Variants in CLPSL1 observed in about 807,000 individuals in gnomAD.
CLPSL1 encodes colipase like 1.
CLPSL1 carries 13 observed loss-of-function variants against 9.3 expected under a neutral mutation model. That is an observed-to-expected ratio of 1.40 (90% CI 0.91 to 2.22). The LOEUF (loss-of-function observed/expected upper bound fraction) is 2.22. Among genes scored for constraint, CLPSL1 ranks in the 30% most tolerant of loss-of-function variants. The pLI is 0.00. For missense variants in CLPSL1, 164 were observed against 146.6 expected (o/e 1.12, Z -0.61); for synonymous variants, 58 against 56.9 (o/e 1.02, Z -0.08).
intron 1 of CLPSL1, among the ~76,000 whole-genome samples, chr6:35,782,649 T>C (rs1767987526): frequency 6.6e-6 from 1 of 152,190 alleles, no homozygotes; most frequent in Non-Finnish European, 1.5e-5. Flanking sequence ...GCAAATGCCC[T>C]GGGGCCAGGC....
intron 1 of CLPSL1, among the ~76,000 whole-genome samples, chr6:35,783,277 G>A (rs765029388): frequency 1.3e-5 from 2 of 152,198 alleles, no homozygotes; most frequent in Non-Finnish European, 2.9e-5. Flanking sequence ...TTGGAAGGCC[G>A]AGGCAAGTGG....
chr6:35,789,171 A>T (rs1457686292), downstream of CLPSL1, among the ~76,000 whole-genome samples: 1 of 152,282 alleles, frequency 6.6e-6, no homozygotes, highest in Non-Finnish European at 1.5e-5. Flanking sequence ...TGACCGTGGA[A>T]GGAGAGGTGG....
At chr6:35,782,296 G>A (rs2151059644) in intron 1 of CLPSL1, among the ~76,000 whole-genome samples, 1 of 152,222 alleles carries the variant, frequency 6.6e-6, no homozygotes, top group Non-Finnish European at 1.5e-5. Flanking sequence ...AGCTCAGAGA[G>A]ATAAATGGAA....
downstream of CLPSL1, among the ~76,000 whole-genome samples, chr6:35,790,701 C>A (rs1006360215): frequency 1.3e-5 from 2 of 152,244 alleles, no homozygotes; most frequent in Non-Finnish European, 2.9e-5. Context: ...AGGTGTGGTG[C>A]CAACTATTCT....
At chr6:35,786,139 G>A (rs1349004381) in intron 1 of CLPSL1, among the ~76,000 whole-genome samples, 1 of 152,066 alleles carries the variant, frequency 6.6e-6, no homozygotes, top group African/African-American at 2.4e-5. Context: ...GTGGCGCACG[G>A]CTGTAATCGC....
intron 1 of CLPSL1, among the ~76,000 whole-genome samples, chr6:35,783,000 G>C (rs1248699083): frequency 1.3e-5 from 2 of 152,082 alleles, no homozygotes; most frequent in Non-Finnish European, 2.9e-5. Context: ...CTTACTAGGT[G>C]CTCAGATCTT....
At position 35,787,715 on chromosome 6, in the gene CLPSL1, GA is replaced by G. The variant is rs1407939539; in HGVS notation, c.223-151del. On this transcript the variant is annotated intron_variant, in intron 2 of 2. Coordinates refer to ENST00000373861, the MANE Select transcript of CLPSL1 (RefSeq NM_001010886.5). ...GGAGCCAGCCTGGAGAAGGCAGCCA[GA>G]GGTGCCACTCTGAGCAGCTGGCAAG... The G allele has an allele frequency of 6.9e-6, 5 of 722,800 alleles. No homozygotes were observed. The African/African-American group carries it at 7.0e-5, about 10-fold the overall frequency. The allele number at this position is 722,800 out of a possible 1,614,324, so 44.8% of individuals were successfully genotyped here. A position where few individuals can be genotyped will look rare whatever the true frequency, so the allele number is the denominator to read the frequency against.
intron 1 of CLPSL1, among the ~76,000 whole-genome samples, chr6:35,783,566 G>A (rs1452916521): frequency 6.6e-6 from 1 of 151,968 alleles, no homozygotes. Flanking sequence ...CAGCATTTTG[G>A]GAGGCCGAGG....
At chr6:35,790,557 C>T (rs9462115), downstream of CLPSL1, among the ~76,000 whole-genome samples, 1,917 of 152,080 alleles carry the variant, frequency 0.013, 19 homozygotes, top group South Asian at 0.022. Flanking sequence ...TTAGAATTTG[C>T]GGGTTATGTA....
At position 35,787,947 on chromosome 6, in the gene CLPSL1, C is replaced by A; in HGVS notation, c.303C>A (p.Ser101Arg). ...CIYSKNEKWLSIAYGRCQKIG... is the reference protein window; with the variant it reads ...CIYSKNEKWLRIAYGRCQKIG... ...ATTCAAAGAATGAGAAATGGCTTAG[C>A]ATCGCCTATGGCCGTTGTCAGAAAA... The change falls in exon 3 of 3, where the codon AGC (serine) becomes AGA (arginine). Residue 101 changes from serine to arginine, a missense_variant. Physicochemically the swap from Ser to Arg is moderately radical, Grantham distance 110. Coordinates refer to ENST00000373861, the MANE Select transcript of CLPSL1 (RefSeq NM_001010886.5). 1.2e-6 allele frequency: 2 copies of A among 1,612,986 alleles called. No homozygotes were observed. Among genetic ancestry groups the A allele is most frequent in the East Asian group, 4.5e-5 (2 of 44,880 alleles).
intron 2 of CLPSL1, 58 bp downstream of exon 2, chr6:35,787,178 C>G: frequency 6.3e-7 from 1 of 1,584,302 alleles, no homozygotes; most frequent in Non-Finnish European, 8.6e-7. Context: ...GGAGCCAGGG[C>G]GGGCCCAGAT....
intron 1 of CLPSL1, chr6:35,793,447 A>G (rs1561944322): frequency 4.5e-6 from 2 of 439,572 alleles, no homozygotes; most frequent in East Asian, 7.2e-5. Flanking sequence ...AAAAAAGGGT[A>G]TGCAAGAAGA....
downstream of CLPSL1, among the ~76,000 whole-genome samples, chr6:35,789,103 A>T (rs1470062475): frequency 2.0e-5 from 3 of 152,274 alleles, no homozygotes; most frequent in African/African-American, 7.2e-5. Flanking sequence ...TATCAGACAG[A>T]TAACCAGACT....
downstream of CLPSL1, among the ~76,000 whole-genome samples, chr6:35,792,288 GTATT>G (rs1258160908): frequency 1.3e-5 from 2 of 151,790 alleles, no homozygotes; most frequent in Non-Finnish European, 2.9e-5. Context: ...AAAAAAAAAA[GTATT>G]TAATACACCT....
downstream of CLPSL1, among the ~76,000 whole-genome samples, chr6:35,790,952 G>A (rs1026011016): frequency 3.9e-5 from 6 of 152,120 alleles, no homozygotes; most frequent in African/African-American, 1.4e-4. Flanking sequence ...GCTGAGGCAG[G>A]AGGATCACTT....
At chr6:35,793,382 G>T (rs1053387245) in intron 1 of CLPSL1, 116 of 448,706 alleles carry the variant, frequency 2.6e-4, no homozygotes, top group Middle Eastern at 7.2e-4. Flanking sequence ...CCGAGATCGT[G>T]CCACTGCACT....
At chr6:35,792,729 C>A (rs991708308), downstream of CLPSL1, among the ~76,000 whole-genome samples, 1 of 152,376 alleles carries the variant, frequency 6.6e-6, no homozygotes, top group East Asian at 1.9e-4. Context: ...TTATGCCCCC[C>A]ACAGTCCAAA....
intron 1 of CLPSL1, 36 bp downstream of exon 1, chr6:35,781,245 C>T: frequency 1.2e-6 from 2 of 1,608,032 alleles, no homozygotes; most frequent in South Asian, 1.1e-5. Context: ...CCTCCCCCTC[C>T]ACTGTCCTAA....
chr6:35,788,525 T>C (rs1390438815), downstream of CLPSL1, among the ~76,000 whole-genome samples: 1 of 152,272 alleles, frequency 6.6e-6, no homozygotes, highest in Non-Finnish European at 1.5e-5. Context: ...AGCTGCCTTA[T>C]GCACATGATC....
Sources: allele counts gnomAD v4.1 joint callset (sites outside exome capture counted in the v4.1 genomes callset), GRCh38; gene constraint gnomAD v4.1.1; transcripts MANE v1.5; gene names NCBI Gene and HGNC (gene_info 2026-07-23, HGNC 2026-07-21).